NLK: variants seen among roughly 807,000 people sequenced by gnomAD.
NLK encodes the protein nemo like kinase.
Under a neutral mutation model 59.0 loss-of-function variants are expected in NLK, and 11 were observed. That is an observed-to-expected ratio of 0.19 (90% CI 0.12 to 0.31). NLK has a LOEUF of 0.31. Among genes scored for constraint, NLK ranks in the 10% least tolerant of loss-of-function variants. The pLI, the probability that NLK is intolerant of heterozygous loss-of-function variation, is 1.00. For synonymous variants in NLK, 235 were observed against 235.9 expected (o/e 1.00, Z 0.03); for missense variants, 410 against 661.1 (o/e 0.62, Z 4.16).
chr17:28,131,080 A>AT (rs1379190072), intron 2 of NLK, among the ~76,000 whole-genome samples: 1 of 152,224 alleles, frequency 6.6e-6, no homozygotes, highest in Middle Eastern at 3.4e-3. Flanking sequence ...TGAGTGAAGA[A>AT]TTTTTCATTA....
At chr17:28,161,108 G>T in intron 3 of NLK, 52 bp from the exon 4 acceptor site, 1 of 961,484 alleles carries the variant, frequency 1.0e-6, no homozygotes, top group Non-Finnish European at 1.7e-6. Context: ...TCACCACTTT[G>T]AGGGGGTAGG....
At chr17:28,117,808 T>C (rs1465180194) in intron 1 of NLK, among the ~76,000 whole-genome samples, 1 of 152,170 alleles carries the variant, frequency 6.6e-6, no homozygotes, top group African/African-American at 2.4e-5. Flanking sequence ...AGAACTCGGC[T>C]AATATAATAC....
At chr17:28,063,452 C>T (rs1305143021) in intron 1 of NLK, among the ~76,000 whole-genome samples, 5 of 151,812 alleles carry the variant, frequency 3.3e-5, no homozygotes, top group African/African-American at 1.2e-4. Flanking sequence ...TATTCATTTT[C>T]TCATCTCATT....
chr17:28,086,783 A>ATTTGAGAG (rs1189042104), intron 1 of NLK, among the ~76,000 whole-genome samples: 43 of 152,112 alleles, frequency 2.8e-4, no homozygotes, highest in African/African-American at 1.0e-3. Context: ...CTATAATCCC[A>ATTTGAGAG]GCACTTTGAG....
chr17:28,199,493 C>G (rs1909568140), downstream of NLK, among the ~76,000 whole-genome samples: 1 of 151,698 alleles, frequency 6.6e-6, no homozygotes, highest in African/African-American at 2.4e-5. Context: ...TGGTGAAAAC[C>G]CGTCTCTACT....
rs141816458 is a variant in NLK, at chr17:28,089,826, C to G, written c.459-32777C>G. ...TGCTAATGACTAGTGATCTGCCATC[C>G]TTATGTCTTCTTTGCTGAATTATCT... On this transcript the variant is annotated intron_variant, in intron 1 of 10. Coordinates refer to ENST00000407008, the MANE Select transcript of NLK (RefSeq NM_016231.5). 2.6e-3 allele frequency among the ~76,000 whole-genome samples: 401 copies of G among 152,182 alleles called. 3 individuals are homozygous for G. Among genetic ancestry groups the G allele is most frequent in the South Asian group, 0.018 (87 of 4,816 alleles).
intron 7 of NLK, among the ~76,000 whole-genome samples, chr17:28,180,892 C>A (rs1908877651): frequency 6.6e-6 from 1 of 152,222 alleles, no homozygotes; most frequent in Admixed American, 6.5e-5. Context: ...CCCCATCACT[C>A]TCCACCTCTC....
intron 1 of NLK, among the ~76,000 whole-genome samples, chr17:28,120,012 A>G (rs1905956187): frequency 6.6e-6 from 1 of 152,182 alleles, no homozygotes; most frequent in Admixed American, 6.5e-5. Flanking sequence ...TAGATTAGAG[A>G]ATACCAAAGA....
intron 7 of NLK, among the ~76,000 whole-genome samples, chr17:28,177,555 G>A (rs1158729523): frequency 1.3e-5 from 2 of 152,174 alleles, no homozygotes; most frequent in Non-Finnish European, 2.9e-5. Context: ...ACTCTCCTCT[G>A]CTCCGCTTTC....
intron 7 of NLK, among the ~76,000 whole-genome samples, chr17:28,179,897 T>G (rs1908837673): frequency 1.4e-5 from 2 of 145,262 alleles, no homozygotes; most frequent in East Asian, 2.0e-4. Flanking sequence ...TTTTTTTTTT[T>G]GCTTATTCAG....
In NLK at chr17:28,110,185, TTTC is replaced by T. The variant is rs1311954697; in HGVS notation, c.459-12415_459-12413del. 2.0e-5 allele frequency among the ~76,000 whole-genome samples: 3 copies of T among 152,216 alleles called. 1 individual carries two copies. Among genetic ancestry groups the T allele is most frequent in the Non-Finnish European group, 2.9e-5 (2 of 68,036 alleles). On this transcript the variant is annotated intron_variant, in intron 1 of 10. Coordinates refer to ENST00000407008, the MANE Select transcript of NLK (RefSeq NM_016231.5). ...ATGATTCTGTTGTGAATGAAATTGT[TTTC>T]TTAAGTTCATCTTTAGATTATTTAT...
the NLK span, among the ~76,000 whole-genome samples, chr17:28,202,402 C>CCACTCACCTCAGCCTCCCAAAGTGCTG: frequency 4.5e-3 from 680 of 151,970 alleles, 9 homozygotes; most frequent in African/African-American, 0.014. Flanking sequence ...CCCAAGTGAT[C>CCACTCACCTCAGCCTCCCAAAGTGCTG]CACTCACCTC....
intron 2 of NLK, among the ~76,000 whole-genome samples, chr17:28,124,209 T>C (rs959065203): frequency 6.6e-6 from 1 of 152,192 alleles, no homozygotes; most frequent in African/African-American, 2.4e-5. Flanking sequence ...CCTAGCAATA[T>C]GCTTGTTTTA....
At chr17:28,066,855 G>A (rs1292850576) in intron 1 of NLK, among the ~76,000 whole-genome samples, 1 of 152,150 alleles carries the variant, frequency 6.6e-6, no homozygotes, top group Non-Finnish European at 1.5e-5. Context: ...AACTCAAGAT[G>A]TTGAGCATCT....
At chr17:28,110,492 T>C (rs1905418348) in intron 1 of NLK, among the ~76,000 whole-genome samples, 1 of 151,790 alleles carries the variant, frequency 6.6e-6, no homozygotes, top group African/African-American at 2.4e-5. Flanking sequence ...TTTTGGGTTT[T>C]TTTTTTTTAC....
intron 1 of NLK, among the ~76,000 whole-genome samples, chr17:28,060,163 T>C (rs532363397): frequency 6.6e-6 from 1 of 152,180 alleles, no homozygotes; most frequent in South Asian, 2.1e-4. Context: ...ATATTCATTA[T>C]ATACAAAAAT....
rs149763393 is a variant in NLK, at chr17:28,109,392, T to G, written c.459-13211T>G. Among the ~76,000 whole-genome samples, 539 of 152,278 alleles carry G rather than the reference T, an allele frequency of 3.5e-3. 1 individual carries two copies. Among genetic ancestry groups the G allele is most frequent in the African/African-American group, 0.012 (493 of 41,562 alleles). ...TCTAACAACTTTATTGAGGCATAAT[T>G]TATATACCATCAAATTTACCCATCA... On this transcript the variant is annotated intron_variant, in intron 1 of 10. Coordinates refer to ENST00000407008, the MANE Select transcript of NLK (RefSeq NM_016231.5).
intron 3 of NLK, 134 bp downstream of exon 3, chr17:28,132,809 G>A: frequency 1.3e-6 from 1 of 744,768 alleles, no homozygotes; most frequent in South Asian, 1.8e-5. Flanking sequence ...CCTGGAACCA[G>A]GTAATTTTGA....
chr17:28,053,559 T>A, intron 1 of NLK, among the ~76,000 whole-genome samples: 1 of 152,186 alleles, frequency 6.6e-6, no homozygotes, highest in East Asian at 1.9e-4. Context: ...TCAATTTAAG[T>A]AGTATAGAGC....
Sources: allele counts gnomAD v4.1 joint callset (sites outside exome capture counted in the v4.1 genomes callset), GRCh38; gene constraint gnomAD v4.1.1; transcripts MANE v1.5; gene names NCBI Gene and HGNC (gene_info 2026-07-23, HGNC 2026-07-21).